The following TSHZ3 variants were observed in gnomAD, a reference collection of about 807,000 sequenced individuals.
TSHZ3 encodes the protein teashirt zinc finger homeobox 3, also known as teashirt homolog 3.
TSHZ3 carries 10 observed loss-of-function variants against 64.5 expected under a neutral mutation model. The ratio of observed to expected loss-of-function variants is 0.16; its 90% CI spans 0.10 to 0.26. The LOEUF is 0.26. Among genes scored for constraint, TSHZ3 ranks in the 10% least tolerant of loss-of-function variants. The pLI is 1.00. For synonymous variants in TSHZ3, 608 were observed against 593.1 expected (o/e 1.03, Z -0.36); for missense variants, 1,242 against 1,421.7 (o/e 0.87, Z 2.03).
intron 1 of TSHZ3, among the ~76,000 whole-genome samples, chr19:31,251,902 G>A (rs1043734179): frequency 4.6e-5 from 7 of 152,282 alleles, no homozygotes; most frequent in Admixed American, 3.9e-4. Context: ...CTCTGCTCAA[G>A]GGCTTCTCAG....
downstream of TSHZ3, among the ~76,000 whole-genome samples, chr19:31,271,221 C>T (rs1406703620): frequency 1.3e-5 from 2 of 152,118 alleles, no homozygotes; most frequent in Non-Finnish European, 2.9e-5. Context: ...GATGCAGGCC[C>T]TTGGAACCAT....
chr19:31,203,193 T>C (rs1294097234), intron 5 of TSHZ3, among the ~76,000 whole-genome samples: 1 of 152,004 alleles, frequency 6.6e-6, no homozygotes, highest in Non-Finnish European at 1.5e-5. Flanking sequence ...AACTAGCTGG[T>C]GGAAGGGCAT....
chr19:31,340,338 CAAAAAAAAA>C (rs1160334453), intron 1 of TSHZ3, among the ~76,000 whole-genome samples: 8 of 32,754 alleles, frequency 2.4e-4, no homozygotes, highest in Admixed American at 2.3e-3. Context: ...GCCTACAGTA[CAAAAAAAAA>C]AAAAAAAAAA....
At position 31,278,601 on chromosome 19, in the gene TSHZ3, G is replaced by T; in HGVS notation, c.1192C>A (p.Leu398Met). 2 of 1,614,210 alleles carry T rather than the reference G, an allele frequency of 1.2e-6. No individual in the cohort carries two copies. The highest frequency in any genetic ancestry group is 1.7e-6 in the Non-Finnish European group (2 of 1,180,032). ...CMECGSSHDTLQELTAHMMVT... is the reference protein window; with the variant it reads ...CMECGSSHDTMQELTAHMMVT... ...ATCATGTGGGCAGTGAGCTCCTGCA[G>T]GGTGTCATGCGAGCTCCCACACTCC... is the stretch of plus-strand genomic sequence containing the variant. The change falls in exon 2 of 2, where the codon CTG (leucine) becomes ATG (methionine). Residue 398 changes from leucine to methionine, a missense_variant. Coordinates refer to ENST00000240587, the MANE Select transcript of TSHZ3 (RefSeq NM_020856.4). This position sits in a 1 kb window ranked among gnomAD's most constrained non-coding sequence, Gnocchi z 4.7.
At chr19:31,338,957 C>T (rs890960957) in intron 1 of TSHZ3, among the ~76,000 whole-genome samples, 3 of 152,048 alleles carry the variant, frequency 2.0e-5, no homozygotes, top group African/African-American at 4.8e-5. Context: ...CAGGCCCCTA[C>T]CCTGCCCCAG....
chr19:31,234,861 T>C (rs1319431796), intron 3 of TSHZ3, among the ~76,000 whole-genome samples: 1 of 152,224 alleles, frequency 6.6e-6, no homozygotes, highest in Non-Finnish European at 1.5e-5. Flanking sequence ...ATCAGGATTG[T>C]GCTAGCCTAA....
At position 31,231,172 on chromosome 19, in the gene TSHZ3, G is replaced by A. The variant is rs138644728; in HGVS notation, n.551-3032C>T. Among the ~76,000 whole-genome samples, 897 of 152,184 alleles carry A rather than the reference G, an allele frequency of 5.9e-3. 8 individuals are homozygous for A. The highest frequency in any genetic ancestry group is 0.02 in the African/African-American group (846 of 41,526). ...CCCCAAGCTAAGTGCTATACAGATA[G>A]CATCTCATTTAAAGCTCACAACAAT... On this transcript the variant is annotated intron_variant and non_coding_transcript_variant, in intron 3 of 6. Coordinates refer to the TSHZ3 transcript ENST00000651361.
At chr19:31,205,283 C>T (rs1207813533) in intron 4 of TSHZ3, among the ~76,000 whole-genome samples, 1 of 152,196 alleles carries the variant, frequency 6.6e-6, no homozygotes, top group Non-Finnish European at 1.5e-5. Flanking sequence ...AATTTATCAT[C>T]TACAGGTGTG....
Position 31,277,477 on chromosome 19 carries a change from C to G in TSHZ3, c.2316G>C (p.Lys772Asn). The G allele has an allele frequency of 6.2e-7, 1 of 1,613,088 alleles. No individual in the cohort carries two copies. Among genetic ancestry groups the G allele is most frequent in the Non-Finnish European group, 8.5e-7 (1 of 1,179,344 alleles). Residue 772 changes from lysine (K) to asparagine (N), a missense_variant, in exon 2 of 2, where the codon AAG (lysine) becomes AAC (asparagine). This residue lies in a region of TSHZ3 where 550 missense variants were observed against 545.1 expected (regional missense o/e 1.01). Transcript: ENST00000240587. The surrounding 1 kb of genome is among the most constrained non-coding windows in gnomAD (Gnocchi z 4.5). ...AATAGCGGTCGAGGTGGTCTGCCTT[C>G]TTGGACTGCAGGGGCGGCGGGGTGG... ...AVATPPPLQS[K>N]KADHLDRYFY...
intron 5 of TSHZ3, among the ~76,000 whole-genome samples, chr19:31,171,459 A>G (rs903432992): frequency 6.6e-5 from 10 of 152,114 alleles, no homozygotes; most frequent in African/African-American, 2.4e-4. Flanking sequence ...GAAAACTGAA[A>G]TTAGGGAGCA....
At chr19:31,328,344 T>C (rs1488594659) in intron 1 of TSHZ3, among the ~76,000 whole-genome samples, 1 of 152,256 alleles carries the variant, frequency 6.6e-6, no homozygotes, top group African/African-American at 2.4e-5. Flanking sequence ...GCATATAGCA[T>C]CAGCTATAAA....
intron 1 of TSHZ3, among the ~76,000 whole-genome samples, chr19:31,316,523 C>CT (rs1432678469): frequency 6.6e-6 from 1 of 152,210 alleles, no homozygotes; most frequent in Non-Finnish European, 1.5e-5. Flanking sequence ...GAGCACAGCA[C>CT]TTCAGGACTA....
At chr19:31,337,582 A>G (rs8110978) in intron 1 of TSHZ3, among the ~76,000 whole-genome samples, 104,931 of 152,114 alleles carry the variant, frequency 0.69, 38,037 homozygotes, top group East Asian at 0.99. Context: ...CACTGGCTAC[A>G]ATTCCAGGCA....
intron 5 of TSHZ3, among the ~76,000 whole-genome samples, chr19:31,158,591 G>C (rs1386502177): frequency 6.6e-6 from 1 of 152,106 alleles, no homozygotes; most frequent in African/African-American, 2.4e-5. Context: ...GTTGGGGATG[G>C]TTTCAGGATG....
chr19:31,230,995 G>A (rs1006090062), intron 3 of TSHZ3, among the ~76,000 whole-genome samples: 2 of 151,562 alleles, frequency 1.3e-5, no homozygotes, highest in African/African-American at 2.4e-5. Context: ...AGCCACCGCC[G>A]CTGGCCCCCA....
At chr19:31,314,935 C>G (rs1942026686) in intron 1 of TSHZ3, among the ~76,000 whole-genome samples, 1 of 152,196 alleles carries the variant, frequency 6.6e-6, no homozygotes, top group Non-Finnish European at 1.5e-5. Context: ...GACGACGGGT[C>G]CTATATCCCT....
intron 1 of TSHZ3, among the ~76,000 whole-genome samples, chr19:31,307,186 C>A (rs1177096036): frequency 6.6e-6 from 1 of 152,160 alleles, no homozygotes; most frequent in Non-Finnish European, 1.5e-5. Context: ...TGCCTCTACC[C>A]GTTTCTATAT....
At chr19:31,295,483 C>T (rs77107350) in intron 1 of TSHZ3, among the ~76,000 whole-genome samples, 1,614 of 152,294 alleles carry the variant, frequency 0.011, 29 homozygotes, top group African/African-American at 0.037. Context: ...CAGACAAAAT[C>T]AACTGTTATT....
rs1025981951 is a variant in TSHZ3 at position 31,311,786 on chromosome 19, CTA to C, written c.41-32036_41-32035del. Reference sequence around the variant, plus strand: ...TTGCCCAGGCTGGAGTGCAGTGGCACTATCTCAGCTCACTGCAGCCTCCACCT... The same window carrying C: ...TTGCCCAGGCTGGAGTGCAGTGGCACTCTCAGCTCACTGCAGCCTCCACCT... On this transcript the variant is annotated intron_variant, in intron 1 of 1. Transcript: ENST00000240587. 2.9e-3 allele frequency among the ~76,000 whole-genome samples: 436 copies of C among 152,274 alleles called. 1 individual carries two copies. The highest frequency in any genetic ancestry group is 9.7e-3 in the African/African-American group (401 of 41,546).
Sources: gnomAD v4.1 joint callset for allele counts (sites outside exome capture counted in the v4.1 genomes callset) on GRCh38, gnomAD v4.1.1 for gene constraint, gnomAD v4.1.1 regional missense constraint, Gnocchi (gnomAD v3.1) non-coding constraint, MANE v1.5 for transcripts, NCBI Gene and HGNC (gene_info 2026-07-23, HGNC 2026-07-21) for gene names.